Variants in P2RY14 observed in about 807,000 individuals in gnomAD.
The protein encoded by P2RY14 is purinergic receptor P2Y14.
A neutral mutation model predicts 0.9 loss-of-function variants in P2RY14; 2 were observed. The ratio of observed to expected loss-of-function variants is 2.16; its 90% CI spans 0.88 to 6.79. The LOEUF is 6.79. Ranked by LOEUF, P2RY14 falls within the 30% of genes most tolerant of loss-of-function variation. The pLI is 0.05. For synonymous variants in P2RY14, 158 were observed against 147.2 expected, an observed-to-expected ratio of 1.07 and a Z score of -0.53; for missense variants, 378 against 400.1, an observed-to-expected ratio of 0.94 and a Z score of 0.47.
At chr3:151,233,314 T>G (rs1026666061) in intron 1 of P2RY14, among the ~76,000 whole-genome samples, 1 of 152,248 alleles carries the variant, frequency 6.6e-6, no homozygotes, top group African/African-American at 2.4e-5. Flanking sequence ...TACCATTCAT[T>G]TTGAGTTTTG....
intron 1 of P2RY14, among the ~76,000 whole-genome samples, chr3:151,258,139 T>A (rs1185932638): frequency 6.6e-6 from 1 of 152,124 alleles, no homozygotes; most frequent in Non-Finnish European, 1.5e-5. Context: ...CTGGGATTCA[T>A]TTTCTTCCAC....
chr3:151,226,272 G>A (rs1031746869), intron 1 of P2RY14, among the ~76,000 whole-genome samples: 1 of 152,198 alleles, frequency 6.6e-6, no homozygotes, highest in African/African-American at 2.4e-5. Context: ...GGAGTTTTGG[G>A]GTGAGAGAGC....
At chr3:151,219,891 A>ACCC (rs141293857) in intron 1 of P2RY14, among the ~76,000 whole-genome samples, 1 of 92,122 alleles carries the variant, frequency 1.1e-5, no homozygotes, top group Non-Finnish European at 2.1e-5. Context: ...GGTTTATATT[A>ACCC]CCCCCCCCCC....
At chr3:151,262,025 C>T (rs1244120039) in intron 1 of P2RY14, among the ~76,000 whole-genome samples, 1 of 152,168 alleles carries the variant, frequency 6.6e-6, no homozygotes, top group Non-Finnish European at 1.5e-5. Flanking sequence ...CTGCACTCAG[C>T]TGAAGGGGTA....
chr3:151,216,920 G>A lies in P2RY14; in HGVS notation c.-24-2580C>T, dbSNP rs532987760. Among the ~76,000 whole-genome samples, 26 of 152,246 alleles carry A rather than the reference G, an allele frequency of 1.7e-4. 1 individual carries two copies. In the South Asian group the frequency reaches 5.2e-3, roughly 30 times the overall value. Reference sequence around the variant, plus strand: ...TAAATGCCAGTCTTGCAGAGCTTGAGAGAATGCATGCTGCTGTATTCCCAG... The same window carrying A: ...TAAATGCCAGTCTTGCAGAGCTTGAAAGAATGCATGCTGCTGTATTCCCAG... On this transcript the variant is annotated intron_variant, in intron 2 of 2. Transcript: ENST00000309170.
chr3:151,245,675 C>A (rs1310811755), intron 1 of P2RY14, among the ~76,000 whole-genome samples: 2 of 127,376 alleles, frequency 1.6e-5, no homozygotes, highest in Non-Finnish European at 3.3e-5. Context: ...ACTGAATGGG[C>A]AAAAACTGGA....
chr3:151,265,432 C>T (rs986895884), intron 1 of P2RY14, among the ~76,000 whole-genome samples: 2 of 152,126 alleles, frequency 1.3e-5, no homozygotes, highest in Admixed American at 1.3e-4. Flanking sequence ...TCATTATCTT[C>T]TGCTTCTTTA....
At chr3:151,232,937 T>C (rs1028502304) in intron 1 of P2RY14, among the ~76,000 whole-genome samples, 2 of 152,338 alleles carry the variant, frequency 1.3e-5, no homozygotes, top group African/African-American at 4.8e-5. Context: ...TTTTTAATAT[T>C]GTTTAAAACC....
intron 1 of P2RY14, among the ~76,000 whole-genome samples, chr3:151,223,673 C>CT (rs1729873156): frequency 6.6e-6 from 1 of 152,156 alleles, no homozygotes; most frequent in Non-Finnish European, 1.5e-5. Context: ...ACAGTAGACA[C>CT]TGGAGACTCC....
chr3:151,227,804 T>A (rs185897573), intron 1 of P2RY14, among the ~76,000 whole-genome samples: 5 of 152,344 alleles, frequency 3.3e-5, no homozygotes, highest in African/African-American at 1.2e-4. Context: ...CCAGGGTTTC[T>A]CAGCCTTGGT....
At chr3:151,273,053 A>G (rs888247435) in intron 1 of P2RY14, among the ~76,000 whole-genome samples, 6 of 152,068 alleles carry the variant, frequency 3.9e-5, no homozygotes, top group African/African-American at 1.4e-4. Context: ...GTGTAATGCA[A>G]ATATTCCAAA....
intron 1 of P2RY14, among the ~76,000 whole-genome samples, chr3:151,242,325 A>G (rs1734330629): frequency 6.6e-6 from 1 of 152,242 alleles, no homozygotes; most frequent in South Asian, 2.1e-4. Flanking sequence ...GGGGCAGGGC[A>G]CAGACAAACA....
At chr3:151,240,060 T>G (rs1340815375) in intron 1 of P2RY14, among the ~76,000 whole-genome samples, 2 of 151,522 alleles carry the variant, frequency 1.3e-5, no homozygotes, top group Non-Finnish European at 1.5e-5. Flanking sequence ...TGTGTGTGTG[T>G]GTATGGCCAC....
intron 1 of P2RY14, among the ~76,000 whole-genome samples, chr3:151,254,160 G>A (rs539097651): frequency 1.3e-5 from 2 of 151,924 alleles, no homozygotes; most frequent in South Asian, 4.2e-4. Flanking sequence ...CTATTTTTAG[G>A]TATTAGTGCC....
intron 1 of P2RY14, among the ~76,000 whole-genome samples, chr3:151,245,589 T>G (rs1288142810): frequency 1.5e-4 from 22 of 150,690 alleles, no homozygotes; most frequent in Admixed American, 5.3e-4. Context: ...CTGAAAACTC[T>G]CAATAAATTA....
intron 1 of P2RY14, among the ~76,000 whole-genome samples, chr3:151,269,040 C>T (rs1403815886): frequency 6.6e-6 from 1 of 152,136 alleles, no homozygotes; most frequent in African/African-American, 2.4e-5. Context: ...CCGGAGGAGA[C>T]ATTGGCCTCT....
At chr3:151,217,576 C>G (rs1345082911) in intron 2 of P2RY14, among the ~76,000 whole-genome samples, 1 of 152,194 alleles carries the variant, frequency 6.6e-6, no homozygotes, top group African/African-American at 2.4e-5. Context: ...AGTTTTGATG[C>G]AATTGCAGAT....
At chr3:151,257,191 T>C (rs541907502) in intron 1 of P2RY14, among the ~76,000 whole-genome samples, 6 of 152,368 alleles carry the variant, frequency 3.9e-5, no homozygotes, top group African/African-American at 1.2e-4. Flanking sequence ...AGCATATTTA[T>C]GTAGTTTCTT....
At chr3:151,243,618 G>A (rs371758512) in intron 1 of P2RY14, among the ~76,000 whole-genome samples, 18 of 151,072 alleles carry the variant, frequency 1.2e-4, no homozygotes, top group Middle Eastern at 3.2e-3. Flanking sequence ...TGAAGGAAGC[G>A]CTAAACATGG....
Sources: allele counts gnomAD v4.1 joint callset (sites outside exome capture counted in the v4.1 genomes callset), GRCh38; gene constraint gnomAD v4.1.1; transcripts MANE v1.5; gene names NCBI Gene and HGNC (gene_info 2026-07-23, HGNC 2026-07-21).